CPPED1: variants seen among roughly 807,000 people sequenced by gnomAD.
CPPED1 encodes calcineurin like phosphoesterase domain containing 1.
CPPED1 carries 28 observed loss-of-function variants against 28.0 expected under a neutral mutation model. The ratio of observed to expected loss-of-function variants is 1.00; its 90% CI spans 0.74 to 1.37. The LOEUF (loss-of-function observed/expected upper bound fraction) is 1.37. CPPED1 is among the 40% of genes most tolerant of loss of function. The probability of loss-of-function intolerance (pLI) is 0.00; values close to 1 mark genes in which losing one functional copy is unlikely to be tolerated. For missense variants in CPPED1, 504 were observed against 416.5 expected (o/e 1.21, Z -1.83); for synonymous variants, 198 against 180.2 (o/e 1.10, Z -0.79).
chr16:12,688,913 G>C (rs530345837), intron 3 of CPPED1, among the ~76,000 whole-genome samples: 3 of 152,208 alleles, frequency 2.0e-5, no homozygotes, highest in Non-Finnish European at 4.4e-5. Flanking sequence ...ACAGTCACAT[G>C]TGGCCTTACT....
At chr16:12,692,602 G>T (rs148554455) in intron 3 of CPPED1, among the ~76,000 whole-genome samples, 1 of 152,088 alleles carries the variant, frequency 6.6e-6, no homozygotes, top group Non-Finnish European at 1.5e-5. Context: ...TATGTCTGTC[G>T]GCAAAACGGA....
At chr16:12,779,278 G>C (rs1443640063) in intron 2 of CPPED1, among the ~76,000 whole-genome samples, 1 of 152,098 alleles carries the variant, frequency 6.6e-6, no homozygotes, top group African/African-American at 2.4e-5. Context: ...GAGTGCAGTG[G>C]TACGATCATG....
chr16:12,677,775 C>A (rs1180028528), intron 3 of CPPED1, among the ~76,000 whole-genome samples: 2 of 152,240 alleles, frequency 1.3e-5, no homozygotes, highest in African/African-American at 4.8e-5. Flanking sequence ...TGTTAACTAG[C>A]ATGGCATCTT....
rs1489207675 is a variant in CPPED1 at position 12,660,994 on chromosome 16, G to C, written c.*3892C>G. 1.3e-5 allele frequency: 2 copies of C among 152,166 alleles called. No homozygotes were observed. Among genetic ancestry groups the C allele is most frequent in the African/African-American group, 4.8e-5 (2 of 41,434 alleles). 9.4% of individuals were successfully genotyped at this position (152,166 alleles called of 1,614,324 possible). On this transcript the variant is annotated 3_prime_UTR_variant, in exon 4 of 4. Coordinates refer to ENST00000381774, the MANE Select transcript of CPPED1 (RefSeq NM_018340.3). ...TTAGATGTGGTGACACGAGCCTATA[G>C]TCCCAGCTAATTTGGGAGGCTGAGG...
chr16:12,770,543 C>G (rs536703675), intron 2 of CPPED1, among the ~76,000 whole-genome samples: 1 of 152,104 alleles, frequency 6.6e-6, no homozygotes, highest in Admixed American at 6.5e-5. Context: ...GCATGCTGAC[C>G]AGGGCGTGGT....
In CPPED1 at chr16:12,792,015, G is replaced by A. The variant is rs188306372; in HGVS notation, c.71-10612C>T. 1.5e-3 allele frequency among the ~76,000 whole-genome samples: 226 copies of A among 151,470 alleles called. 2 individuals carry two copies. The highest frequency in any genetic ancestry group is 4.8e-3 in the African/African-American group (198 of 41,232). The stretch of plus-strand genomic sequence containing the variant: ...CCCCCAGGCTGAAATGCAGTGGCAC[G>A]ATCTTGGCTCAAAGCAACCTCCGTC... On this transcript the variant is annotated intron_variant, in intron 1 of 3. Transcript: ENST00000381774.
intron 3 of CPPED1, among the ~76,000 whole-genome samples, chr16:12,692,193 AC>A (rs1422908090): frequency 6.6e-6 from 1 of 152,044 alleles, no homozygotes; most frequent in Non-Finnish European, 1.5e-5. Context: ...AGTCACACTG[AC>A]CCTCGAGGAA....
intron 1 of CPPED1, among the ~76,000 whole-genome samples, chr16:12,802,212 G>T (rs1310925337): frequency 6.6e-6 from 1 of 152,164 alleles, no homozygotes; most frequent in Non-Finnish European, 1.5e-5. Context: ...TACATCAACA[G>T]AATGTATAAG....
chr16:12,729,194 T>C (rs961260727), intron 2 of CPPED1, among the ~76,000 whole-genome samples: 9 of 152,140 alleles, frequency 5.9e-5, no homozygotes, highest in Admixed American at 5.9e-4. Context: ...CTCAGGTCTC[T>C]AGAAGTTCAG....
intron 3 of CPPED1, among the ~76,000 whole-genome samples, chr16:12,686,238 T>C (rs2079932368): frequency 1.7e-5 from 2 of 117,744 alleles, no homozygotes; most frequent in African/African-American, 1.3e-4. Context: ...TATATATATA[T>C]ATATTTTTTT....
chr16:12,729,382 AT>A (rs1237012218), intron 2 of CPPED1, among the ~76,000 whole-genome samples: 2 of 152,216 alleles, frequency 1.3e-5, no homozygotes, highest in Non-Finnish European at 2.9e-5. Flanking sequence ...ATCAGCTTAA[AT>A]GTCCATATAA....
At chr16:12,672,435 T>C (rs16960414) in intron 3 of CPPED1, among the ~76,000 whole-genome samples, 5,442 of 152,314 alleles carry the variant, frequency 0.036, 137 homozygotes, top group South Asian at 0.081. Flanking sequence ...ATGCGCATTT[T>C]TTAAAAAGAG....
At chr16:12,691,853 G>A (rs112501882) in intron 3 of CPPED1, among the ~76,000 whole-genome samples, 19,105 of 132,480 alleles carry the variant, frequency 0.14, 3,346 homozygotes, top group African/African-American at 0.41. Context: ...TAGGAGACAT[G>A]CCTAATGTTA....
At chr16:12,687,717 G>T (rs1339807711) in intron 3 of CPPED1, among the ~76,000 whole-genome samples, 1 of 152,114 alleles carries the variant, frequency 6.6e-6, no homozygotes, top group African/African-American at 2.4e-5. Context: ...ACCCTGACTG[G>T]AATAGAGGAA....
chr16:12,711,604 G>A (rs924373072), intron 2 of CPPED1, among the ~76,000 whole-genome samples: 5 of 152,140 alleles, frequency 3.3e-5, no homozygotes, highest in Admixed American at 3.3e-4. Flanking sequence ...CTAGGAGTCT[G>A]GAGTTCAGTG....
In CPPED1 at chr16:12,665,668, G is replaced by A. The variant is rs1288205972; in HGVS notation, c.716-553C>T. ...AAAATGACCAGGTGTGGTGGCTCAC[G>A]CCTGTAATCACAGCACTTTGGGAGG... On this transcript the variant is annotated intron_variant, in intron 3 of 3. Coordinates refer to ENST00000381774, the MANE Select transcript of CPPED1 (RefSeq NM_018340.3). Among the ~76,000 whole-genome samples the A allele has an allele frequency of 7.2e-5, 11 of 152,234 alleles. No homozygotes were observed. The East Asian group carries it at 7.7e-4, about 11-fold the overall frequency.
intron 3 of CPPED1, among the ~76,000 whole-genome samples, chr16:12,681,959 G>A (rs913700507): frequency 3.3e-5 from 5 of 152,094 alleles, no homozygotes; most frequent in African/African-American, 1.2e-4. Flanking sequence ...CCTTGAGAGT[G>A]TGATTACAGC....
intron 2 of CPPED1, among the ~76,000 whole-genome samples, chr16:12,754,741 G>C (rs1175203729): frequency 1.3e-5 from 2 of 152,176 alleles, no homozygotes; most frequent in Non-Finnish European, 2.9e-5. Flanking sequence ...GCTCACACCT[G>C]TAATCCCAGC....
intron 2 of CPPED1, among the ~76,000 whole-genome samples, chr16:12,711,584 G>A (rs1053492592): frequency 6.6e-6 from 1 of 152,200 alleles, no homozygotes; most frequent in East Asian, 1.9e-4. Context: ...TGTTGAGAGG[G>A]CAGCTGGGTC....
Sources: allele counts gnomAD v4.1 joint callset (sites outside exome capture counted in the v4.1 genomes callset), GRCh38; gene constraint gnomAD v4.1.1; transcripts MANE v1.5; gene names NCBI Gene and HGNC (gene_info 2026-07-23, HGNC 2026-07-21).